RYR2: variants seen among roughly 807,000 people sequenced by gnomAD.
The protein encoded by RYR2 is ryanodine receptor 2, also known as cardiac muscle ryanodine receptor-calcium release channel.
A neutral mutation model predicts 601.1 loss-of-function variants in RYR2; 227 were observed. The ratio of observed to expected loss-of-function variants is 0.38; its 90% CI spans 0.34 to 0.42. RYR2 has a LOEUF of 0.42. Among genes scored for constraint, RYR2 ranks in the 10% least tolerant of loss-of-function variants. RYR2 has a pLI of 1.00. For missense variants in RYR2, 4,646 were observed against 6,156.5 expected, an observed-to-expected ratio of 0.75 and a Z score of 8.21; for synonymous variants, 2,223 against 2,175.1, an observed-to-expected ratio of 1.02 and a Z score of -0.61.
rs57579159 is a variant in RYR2, at chr1:237,549,628, CTTTTTTTTTTTTT to C, written c.3067-900_3067-888del. Among the ~76,000 whole-genome samples the C allele has an allele frequency of 1.7e-4, 13 of 77,736 alleles. No homozygotes were observed. In the South Asian group the frequency reaches 6.9e-3, roughly 41 times the overall value. 51.0% of individuals were successfully genotyped at this position (77,736 alleles called of 152,430 possible). A position where few individuals can be genotyped will look rare whatever the true frequency, so the allele number is the denominator to read the frequency against. ...AACCCCTGTGTGATTCCATAGCTTT[CTTTTTTTTTTTTT>C]TTTTTTTTTTTTTTTAACTCTTGGG... On this transcript the variant is annotated intron_variant, in intron 26 of 104. Coordinates refer to ENST00000366574, the MANE Select transcript of RYR2 (RefSeq NM_001035.3).
At chr1:237,219,990 T>C (rs1221958316) in intron 1 of RYR2, among the ~76,000 whole-genome samples, 7 of 152,126 alleles carry the variant, frequency 4.6e-5, no homozygotes, top group Non-Finnish European at 7.4e-5. Flanking sequence ...CAAGTACTTT[T>C]AGCTGTGATT....
intron 73 of RYR2, among the ~76,000 whole-genome samples, chr1:237,719,523 G>A (rs1689534753): frequency 6.6e-6 from 1 of 152,080 alleles, no homozygotes; most frequent in African/African-American, 2.4e-5. Context: ...CCTGGCAGGA[G>A]CAGGAACAAG....
chr1:237,638,970 C>T, intron 45 of RYR2, 45 bp from the exon 46 acceptor site: 1 of 1,591,626 alleles, frequency 6.3e-7, no homozygotes, highest in East Asian at 2.2e-5. Flanking sequence ...TTCAGAACTT[C>T]CATATAATCA....
At chr1:237,438,446 A>AT (rs1189644312) in intron 12 of RYR2, among the ~76,000 whole-genome samples, 1 of 152,060 alleles carries the variant, frequency 6.6e-6, no homozygotes, top group Non-Finnish European at 1.5e-5. Flanking sequence ...CTGAAGAGTG[A>AT]TTTTGGTTTT....
chr1:237,581,567 C>T (rs1673920584), intron 29 of RYR2, among the ~76,000 whole-genome samples: 1 of 152,056 alleles, frequency 6.6e-6, no homozygotes, highest in Non-Finnish European at 1.5e-5. Context: ...TATAGAACTA[C>T]TAGTTTGTTC....
intron 11 of RYR2, among the ~76,000 whole-genome samples, chr1:237,418,387 G>T (rs920153879): frequency 2.0e-5 from 3 of 152,130 alleles, no homozygotes; most frequent in African/African-American, 7.2e-5. Flanking sequence ...ATTATTGCCT[G>T]TCTAATGGTG....
intron 1 of RYR2, among the ~76,000 whole-genome samples, chr1:237,164,672 C>T (rs1676449220): frequency 6.6e-6 from 1 of 152,166 alleles, no homozygotes; most frequent in African/African-American, 2.4e-5. Flanking sequence ...AGCCAGAGGG[C>T]ACTTGGTGAG....
chr1:237,694,758 C>T (rs186961090), intron 63 of RYR2, among the ~76,000 whole-genome samples: 1 of 152,256 alleles, frequency 6.6e-6, no homozygotes, highest in East Asian at 1.9e-4. Flanking sequence ...CTCGGTTTGA[C>T]TGAAACTCCT....
intron 41 of RYR2, among the ~76,000 whole-genome samples, chr1:237,630,665 T>C (rs1341936238): frequency 6.6e-6 from 1 of 152,184 alleles, no homozygotes; most frequent in Admixed American, 6.5e-5. Context: ...ATCGATTTGA[T>C]TTATGTTAAA....
chr1:237,771,910 C>A, intron 85 of RYR2, 102 bp from the exon 86 acceptor site: 4 of 685,172 alleles, frequency 5.8e-6, no homozygotes, highest in Non-Finnish European at 1.0e-5. Context: ...TGCACTAACC[C>A]ACAATGATTT....
chr1:237,336,772 G>A (rs746861352), intron 3 of RYR2, among the ~76,000 whole-genome samples: 4 of 151,306 alleles, frequency 2.6e-5, no homozygotes, highest in Non-Finnish European at 4.4e-5. Flanking sequence ...CAAGAGAATC[G>A]CTTGAACCCA....
At chr1:237,192,962 A>C (rs1416080672) in intron 1 of RYR2, among the ~76,000 whole-genome samples, 2 of 152,022 alleles carry the variant, frequency 1.3e-5, no homozygotes, top group African/African-American at 2.4e-5. Flanking sequence ...CCGAATCCCA[A>C]ATCCGTGGGC....
intron 27 of RYR2, among the ~76,000 whole-genome samples, chr1:237,554,159 A>G (rs562828184): frequency 1.6e-4 from 25 of 151,850 alleles, no homozygotes; most frequent in African/African-American, 5.6e-4. Context: ...ATCACATTGA[A>G]GAGATTCCCT....
chr1:237,383,560 G>A (rs1239997135), intron 8 of RYR2, among the ~76,000 whole-genome samples: 1 of 150,382 alleles, frequency 6.6e-6, no homozygotes, highest in Non-Finnish European at 1.5e-5. Context: ...CTCCTGAGTA[G>A]CTGGGACTGT....
intron 24 of RYR2, among the ~76,000 whole-genome samples, chr1:237,524,501 T>C (rs1379056404): frequency 6.6e-6 from 1 of 152,172 alleles, no homozygotes; most frequent in Non-Finnish European, 1.5e-5. Flanking sequence ...ATAAATTTAA[T>C]AAAAATGAAA....
chr1:237,500,578 A>G (rs1664528859), intron 20 of RYR2, 133 bp from the exon 21 acceptor site: 1 of 696,358 alleles, frequency 1.4e-6, no homozygotes, highest in Non-Finnish European at 2.4e-6. Flanking sequence ...ATGCGTTTAC[A>G]TTCAAGATTT....
At chr1:237,357,083 A>G (rs1189180105) in intron 4 of RYR2, among the ~76,000 whole-genome samples, 1 of 152,016 alleles carries the variant, frequency 6.6e-6, no homozygotes, top group Admixed American at 6.6e-5. Context: ...CCCTTTAAAG[A>G]CAAGGAAACT....
chr1:237,523,609 C>T (rs113810289), intron 24 of RYR2, among the ~76,000 whole-genome samples: 2,776 of 151,992 alleles, frequency 0.018, 26 homozygotes, highest in Non-Finnish European at 0.023. Flanking sequence ...TGGTGGCAGG[C>T]GCCTGTAATC....
intron 17 of RYR2, among the ~76,000 whole-genome samples, chr1:237,473,606 A>G (rs1289358844): frequency 1.3e-5 from 2 of 152,148 alleles, no homozygotes; most frequent in Non-Finnish European, 1.5e-5. Flanking sequence ...TCAGCTGCAA[A>G]TAAGGGAAAG....
Sources: gnomAD v4.1 joint callset for allele counts (sites outside exome capture counted in the v4.1 genomes callset) on GRCh38, gnomAD v4.1.1 for gene constraint, MANE v1.5 for transcripts, NCBI Gene and HGNC (gene_info 2026-07-23, HGNC 2026-07-21) for gene names.